The following DYNLT2B variants were observed in gnomAD, a reference collection of about 807,000 sequenced individuals.
DYNLT2B encodes dynein light chain Tctex-type protein 2B.
DYNLT2B carries 14 observed loss-of-function variants against 19.5 expected under a neutral mutation model. The ratio of observed to expected loss-of-function variants is 0.72; its 90% CI spans 0.47 to 1.12. The LOEUF (loss-of-function observed/expected upper bound fraction) is 1.12. Ranked by LOEUF, DYNLT2B falls within the 50% of genes most tolerant of loss-of-function variation. DYNLT2B has a pLI of 0.00. For missense variants in DYNLT2B, 133 were observed against 174.7 expected (o/e 0.76, Z 1.35); for synonymous variants, 70 against 59.7 (o/e 1.17, Z -0.79).
chr3:196,313,847 C>T (rs1726702895), intron 2 of DYNLT2B, among the ~76,000 whole-genome samples: 1 of 152,100 alleles, frequency 6.6e-6, no homozygotes, highest in Non-Finnish European at 1.5e-5. Context: ...CCTGTAATTC[C>T]ACCACTTTGG....
intron 2 of DYNLT2B, among the ~76,000 whole-genome samples, chr3:196,311,877 G>A (rs1402141770): frequency 6.6e-6 from 1 of 151,830 alleles, no homozygotes; most frequent in Non-Finnish European, 1.5e-5. Flanking sequence ...TTTGGGACTA[G>A]CAAGCCCGGC....
chr3:196,292,424 C>A (rs1286941047), intron 4 of DYNLT2B: 1 of 152,082 alleles, frequency 6.6e-6, no homozygotes, highest in Admixed American at 6.6e-5. Flanking sequence ...CTGTGTTCTA[C>A]GACAGTGCTG....
intron 2 of DYNLT2B, among the ~76,000 whole-genome samples, chr3:196,312,286 G>C (rs1047737572): frequency 1.3e-5 from 2 of 151,890 alleles, no homozygotes; most frequent in African/African-American, 4.8e-5. Flanking sequence ...CCAAAGTGCT[G>C]GGAATACAGG....
chr3:196,297,298 G>C (rs1726247054), intron 3 of DYNLT2B, among the ~76,000 whole-genome samples: 1 of 152,168 alleles, frequency 6.6e-6, no homozygotes, highest in South Asian at 2.1e-4. Context: ...GCTGAGGTGG[G>C]CGAATCACCT....
intron 3 of DYNLT2B, among the ~76,000 whole-genome samples, chr3:196,296,553 C>T (rs1467485561): frequency 6.6e-6 from 1 of 152,068 alleles, no homozygotes; most frequent in Non-Finnish European, 1.5e-5. Context: ...TTGAAATTGG[C>T]TATTCTCCTC....
intron 2 of DYNLT2B, among the ~76,000 whole-genome samples, chr3:196,311,357 C>A (rs542609362): frequency 2.0e-5 from 3 of 150,542 alleles, no homozygotes; most frequent in Non-Finnish European, 3.0e-5. Context: ...GCCAAGACTG[C>A]GCCACTGCAT....
At chr3:196,312,479 GA>G (rs1047232377) in intron 2 of DYNLT2B, among the ~76,000 whole-genome samples, 1 of 152,040 alleles carries the variant, frequency 6.6e-6, no homozygotes, top group African/African-American at 2.4e-5. Context: ...AGGGGCGGGG[GA>G]TGGAGTCTCG....
chr3:196,307,122 G>A, intron 2 of DYNLT2B, 110 bp from the exon 3 acceptor site: 1 of 875,384 alleles, frequency 1.1e-6, no homozygotes, highest in South Asian at 1.5e-5. Context: ...AGTACTTAAT[G>A]AATATGGTGG....
At chr3:196,301,396 GA>G (rs1726349196) in intron 3 of DYNLT2B, among the ~76,000 whole-genome samples, 1 of 152,146 alleles carries the variant, frequency 6.6e-6, no homozygotes, top group East Asian at 1.9e-4. Context: ...CCAGATACCA[GA>G]GTAAGCATAT....
chr3:196,317,483 GT>G (rs1196548945), intron 1 of DYNLT2B, among the ~76,000 whole-genome samples: 1 of 101,484 alleles, frequency 9.9e-6, no homozygotes, highest in Non-Finnish European at 2.0e-5. Context: ...GTGTGTGTGT[GT>G]GTGTGTGTGT....
intron 3 of DYNLT2B, among the ~76,000 whole-genome samples, chr3:196,300,007 G>T (rs1014311104): frequency 7.2e-5 from 11 of 152,158 alleles, no homozygotes; most frequent in African/African-American, 2.7e-4. Flanking sequence ...GAGGGAGTAG[G>T]TGGGTCAGAG....
At chr3:196,313,385 A>G (rs1193599989) in intron 2 of DYNLT2B, among the ~76,000 whole-genome samples, 1 of 151,904 alleles carries the variant, frequency 6.6e-6, no homozygotes, top group Non-Finnish European at 1.5e-5. Flanking sequence ...TCTAAGAGAC[A>G]GGGTTTTGCC....
intron 3 of DYNLT2B, among the ~76,000 whole-genome samples, chr3:196,299,482 G>A (rs1032918266): frequency 1.3e-4 from 20 of 152,010 alleles, no homozygotes; most frequent in Admixed American, 1.2e-3. Flanking sequence ...CTTGGCCTTC[G>A]AAAGTGGTAG....
chr3:196,295,310 G>A (rs529064089), intron 4 of DYNLT2B, among the ~76,000 whole-genome samples: 4 of 152,184 alleles, frequency 2.6e-5, no homozygotes, highest in South Asian at 4.1e-4. Context: ...ACAGGTGCCC[G>A]CCACCATGCT....
chr3:196,315,225 T>G (rs1431907045), intron 2 of DYNLT2B: 1 of 426,812 alleles, frequency 2.3e-6, no homozygotes, highest in Non-Finnish European at 4.6e-6. Flanking sequence ...TAACATTCTA[T>G]TTACGTTTTT....
At chr3:196,313,086 T>A (rs1488733402) in intron 2 of DYNLT2B, among the ~76,000 whole-genome samples, 2 of 152,178 alleles carry the variant, frequency 1.3e-5, no homozygotes, top group East Asian at 3.8e-4. Context: ...ACTGATCCAG[T>A]TACAGAATGA....
intron 1 of DYNLT2B, among the ~76,000 whole-genome samples, chr3:196,316,890 A>AGTGTGTGTGTGTGTGTGTGTGT (rs377469506): frequency 2.7e-5 from 2 of 74,198 alleles, no homozygotes; most frequent in African/African-American, 1.1e-4. Flanking sequence ...CATTTTTTTC[A>AGTGTGTGTGTGTGTGTGTGTGT]GTGTGTGTGT....
chr3:196,296,640 A>T (rs983604554), intron 3 of DYNLT2B, among the ~76,000 whole-genome samples: 1 of 152,236 alleles, frequency 6.6e-6, no homozygotes, highest in Non-Finnish European at 1.5e-5. Flanking sequence ...TAAATGCCCA[A>T]TAGGACTGGA....
At chr3:196,309,288 G>A (rs1252573976) in intron 2 of DYNLT2B, among the ~76,000 whole-genome samples, 1 of 151,880 alleles carries the variant, frequency 6.6e-6, no homozygotes, top group African/African-American at 2.4e-5. Flanking sequence ...TTTTTGAGAT[G>A]GAGTTTCACT....
Sources: gnomAD v4.1 joint callset for allele counts (sites outside exome capture counted in the v4.1 genomes callset) on GRCh38, gnomAD v4.1.1 for gene constraint, MANE v1.5 for transcripts, NCBI Gene and HGNC (gene_info 2026-07-23, HGNC 2026-07-21) for gene names.